The following SMYD3 variants were observed in gnomAD, a reference collection of about 807,000 sequenced individuals.
SMYD3 encodes the protein SET and MYND domain containing 3, also known as histone-lysine N-methyltransferase SMYD3.
A neutral mutation model predicts 57.7 loss-of-function variants in SMYD3; 36 were observed. The ratio of observed to expected loss-of-function variants is 0.62; its 90% CI spans 0.48 to 0.82. The LOEUF (loss-of-function observed/expected upper bound fraction) is 0.82, where lower values mean the gene tolerates loss of function less well. Ranked by LOEUF, SMYD3 falls within the 40% of genes least tolerant of loss-of-function variation. The pLI, the probability that SMYD3 is intolerant of heterozygous loss-of-function variation, is 0.00. For missense variants in SMYD3, 515 were observed against 538.8 expected (o/e 0.96, Z 0.44); for synonymous variants, 211 against 195.0 (o/e 1.08, Z -0.68).
chr1:245,800,216 T>C (rs1263125071), intron 10 of SMYD3, among the ~76,000 whole-genome samples: 1 of 152,122 alleles, frequency 6.6e-6, no homozygotes, highest in Non-Finnish European at 1.5e-5. Flanking sequence ...GCCCCTCCGG[T>C]AGTTCACTTT....
chr1:246,094,338 C>T (rs2147902098), intron 5 of SMYD3, among the ~76,000 whole-genome samples: 1 of 152,282 alleles, frequency 6.6e-6, no homozygotes, highest in East Asian at 1.9e-4. Context: ...GTGTGGGAAA[C>T]ACAGCAGTCT....
At chr1:246,382,371 C>T (rs1250109696) in intron 1 of SMYD3, among the ~76,000 whole-genome samples, 1 of 152,104 alleles carries the variant, frequency 6.6e-6, no homozygotes, top group Non-Finnish European at 1.5e-5. Flanking sequence ...GACTCCAGGC[C>T]AGCACCCATG....
intron 1 of SMYD3, among the ~76,000 whole-genome samples, chr1:246,421,728 G>T (rs2067145589): frequency 6.6e-6 from 1 of 152,204 alleles, no homozygotes; most frequent in South Asian, 2.1e-4. Flanking sequence ...GCCTACAGCT[G>T]AGCTACTGCT....
chr1:245,953,889 C>T (rs4142898), intron 5 of SMYD3, among the ~76,000 whole-genome samples: 131,547 of 152,226 alleles, frequency 0.86, 57,726 homozygotes, highest in Non-Finnish European at 0.93. Context: ...ACGTGTTTAG[C>T]TCATTGTACC....
chr1:245,825,451 C>G (rs2049429349), intron 10 of SMYD3, among the ~76,000 whole-genome samples: 1 of 152,196 alleles, frequency 6.6e-6, no homozygotes, highest in Non-Finnish European at 1.5e-5. Context: ...CAGGCGGCCC[C>G]TCTATCTGGC....
chr1:246,423,112 C>T (rs56668225), intron 1 of SMYD3, among the ~76,000 whole-genome samples: 3,299 of 152,046 alleles, frequency 0.022, 61 homozygotes, highest in East Asian at 0.082. Flanking sequence ...GTCTGACCAA[C>T]ATGGTGAAAC....
At chr1:246,192,544 C>G (rs540802291) in intron 5 of SMYD3, among the ~76,000 whole-genome samples, 1 of 152,186 alleles carries the variant, frequency 6.6e-6, no homozygotes, top group South Asian at 2.1e-4. Context: ...GCGTGAGCCA[C>G]TGTGCCTAAC....
intron 1 of SMYD3, among the ~76,000 whole-genome samples, chr1:246,374,147 C>G (rs2066233811): frequency 6.6e-6 from 1 of 151,874 alleles, no homozygotes; most frequent in African/African-American, 2.4e-5. Context: ...CATGATTAAT[C>G]TAAACTTAAA....
chr1:246,467,326 C>T (rs1271001360), intron 1 of SMYD3, among the ~76,000 whole-genome samples: 2 of 151,906 alleles, frequency 1.3e-5, no homozygotes, highest in Admixed American at 6.6e-5. Flanking sequence ...GCTTGAACTA[C>T]CCAACATAAA....
At chr1:246,085,739 T>C (rs565642594) in intron 5 of SMYD3, among the ~76,000 whole-genome samples, 1 of 152,150 alleles carries the variant, frequency 6.6e-6, no homozygotes, top group South Asian at 2.1e-4. Context: ...GTCTCCCATG[T>C]CACATAAAAC....
At chr1:246,125,380 C>G (rs1038345877) in intron 5 of SMYD3, among the ~76,000 whole-genome samples, 1 of 152,124 alleles carries the variant, frequency 6.6e-6, no homozygotes, top group Non-Finnish European at 1.5e-5. Context: ...ATTCCTCAGA[C>G]AAAATCCCAC....
At chr1:246,459,347 A>C (rs1285032413) in intron 1 of SMYD3, among the ~76,000 whole-genome samples, 1 of 149,604 alleles carries the variant, frequency 6.7e-6, no homozygotes, top group African/African-American at 2.5e-5. Context: ...ATCTTATTTA[A>C]AAGTGTGTAG....
intron 5 of SMYD3, among the ~76,000 whole-genome samples, chr1:246,200,094 G>A (rs77076837): frequency 2.5e-3 from 11 of 4,430 alleles, no homozygotes; most frequent in East Asian, 9.8e-3. Flanking sequence ...CAGCATAGAC[G>A]CTGAGGTAGA....
At chr1:246,379,776 G>A (rs938333492) in intron 1 of SMYD3, among the ~76,000 whole-genome samples, 1 of 152,172 alleles carries the variant, frequency 6.6e-6, no homozygotes, top group East Asian at 1.9e-4. Context: ...AAGGCGGATG[G>A]ATCACTTAAG....
chr1:245,947,882 CAGAA>C (rs2057479226), intron 5 of SMYD3, among the ~76,000 whole-genome samples: 1 of 152,030 alleles, frequency 6.6e-6, no homozygotes, highest in East Asian at 1.9e-4. Context: ...TCTAGGTTTC[CAGAA>C]GTAAGTCACA....
intron 1 of SMYD3, among the ~76,000 whole-genome samples, chr1:246,367,884 C>T (rs868208542): frequency 2.0e-5 from 3 of 152,028 alleles, no homozygotes; most frequent in African/African-American, 7.3e-5. Flanking sequence ...TAAATGGGAT[C>T]GTTAGCAACC....
In SMYD3 at chr1:246,137,845, T is replaced by C. The variant is rs143970441; in HGVS notation, c.531+189356A>G. On this transcript the variant is annotated intron_variant, in intron 5 of 11. Coordinates refer to ENST00000490107, the MANE Select transcript of SMYD3 (RefSeq NM_001167740.2). ...GAAGGTATTTCCATTACATTTTGTA[T>C]ATAATTCTACTACTGAGTTTTGGAA... Among the ~76,000 whole-genome samples, 876 of 152,322 alleles carry C rather than the reference T, an allele frequency of 5.8e-3. 8 individuals are homozygous for C. Among genetic ancestry groups the C allele is most frequent in the Non-Finnish European group, 8.3e-3 (567 of 68,040 alleles).
chr1:245,832,936 T>A (rs2049916364), intron 10 of SMYD3, among the ~76,000 whole-genome samples: 1 of 151,996 alleles, frequency 6.6e-6, no homozygotes, highest in South Asian at 2.1e-4. Context: ...TAGTTCTTCA[T>A]AATGGGGGAA....
intron 1 of SMYD3, among the ~76,000 whole-genome samples, chr1:246,393,755 C>T (rs1039799310): frequency 6.6e-6 from 1 of 150,988 alleles, no homozygotes; most frequent in Non-Finnish European, 1.5e-5. Flanking sequence ...ACTTGGGAGG[C>T]TGAGGTAGGA....
Sources: gnomAD v4.1 joint callset for allele counts (sites outside exome capture counted in the v4.1 genomes callset) on GRCh38, gnomAD v4.1.1 for gene constraint, MANE v1.5 for transcripts, NCBI Gene and HGNC (gene_info 2026-07-23, HGNC 2026-07-21) for gene names.